FGGY: variants seen among roughly 807,000 people sequenced by gnomAD.
The protein encoded by FGGY is FGGY carbohydrate kinase domain containing.
In FGGY, 72 loss-of-function variants were observed where a neutral mutation model predicts 71.3. The ratio of observed to expected loss-of-function variants is 1.01; its 90% CI spans 0.84 to 1.23. The LOEUF (loss-of-function observed/expected upper bound fraction) is 1.23, where lower values mean the gene tolerates loss of function less well. FGGY is among the 50% of genes most tolerant of loss of function. The pLI, the probability that FGGY is intolerant of heterozygous loss-of-function variation, is 0.00. For missense variants in FGGY, 668 were observed against 682.3 expected (o/e 0.98, Z 0.23); for synonymous variants, 251 against 250.3 (o/e 1.00, Z -0.02).
chr1:59,740,885 G>T (rs966380012), intron 14 of FGGY, among the ~76,000 whole-genome samples: 7 of 152,052 alleles, frequency 4.6e-5, no homozygotes, highest in Admixed American at 2.0e-4. Flanking sequence ...AGTCCAAATT[G>T]CAATATGTAA....
chr1:59,611,701 G>A (rs957975325), intron 9 of FGGY, among the ~76,000 whole-genome samples: 31 of 152,268 alleles, frequency 2.0e-4, no homozygotes, highest in African/African-American at 6.7e-4. Context: ...AAACTGCTCC[G>A]AGCTAAAGGA....
At chr1:59,728,725 C>T (rs1312156456) in intron 14 of FGGY, among the ~76,000 whole-genome samples, 3 of 152,054 alleles carry the variant, frequency 2.0e-5, no homozygotes, top group Non-Finnish European at 2.9e-5. Context: ...TTTATTTACA[C>T]GGTTTTCTGA....
chr1:59,490,658 G>T (rs555554198), intron 6 of FGGY, among the ~76,000 whole-genome samples: 3 of 152,046 alleles, frequency 2.0e-5, no homozygotes, highest in Non-Finnish European at 4.4e-5. Context: ...TGCAGGTCTT[G>T]TGTTTAGGTC....
chr1:59,532,776 A>C (rs956720838), intron 7 of FGGY, among the ~76,000 whole-genome samples: 2 of 152,194 alleles, frequency 1.3e-5, no homozygotes, highest in African/African-American at 4.8e-5. Flanking sequence ...ATCTAGTGCA[A>C]CAAGTCAAGA....
chr1:59,554,384 C>T (rs112202342), intron 8 of FGGY, among the ~76,000 whole-genome samples, 157 bp downstream of exon 8: 1 of 152,312 alleles, frequency 6.6e-6, no homozygotes, highest in African/African-American at 2.4e-5. Flanking sequence ...CCCCACTCTA[C>T]CTCCCTTGCT....
At chr1:59,441,582 C>T (rs1159077634) in intron 5 of FGGY, among the ~76,000 whole-genome samples, 1 of 152,112 alleles carries the variant, frequency 6.6e-6, no homozygotes, top group Non-Finnish European at 1.5e-5. Context: ...GATGTTGATG[C>T]TGGGGAAAAC....
intron 5 of FGGY, among the ~76,000 whole-genome samples, chr1:59,427,508 G>A (rs1022523956): frequency 2.6e-5 from 4 of 152,300 alleles, no homozygotes; most frequent in African/African-American, 9.6e-5. Flanking sequence ...TTCAGTCCAG[G>A]CTCTCTGGAC....
At chr1:59,485,528 T>G (rs1364625092) in intron 6 of FGGY, among the ~76,000 whole-genome samples, 1 of 152,176 alleles carries the variant, frequency 6.6e-6, no homozygotes, top group East Asian at 1.9e-4. Flanking sequence ...ATACCAGCCT[T>G]GGATTCACTA....
At chr1:59,392,045 A>G (rs1254535718) in intron 5 of FGGY, among the ~76,000 whole-genome samples, 3 of 152,116 alleles carry the variant, frequency 2.0e-5, no homozygotes, top group African/African-American at 7.2e-5. Context: ...TAAGAGTTAA[A>G]TTTTAAGGGG....
At chr1:59,375,793 T>G (rs2058563983) in intron 4 of FGGY, among the ~76,000 whole-genome samples, 1 of 152,068 alleles carries the variant, frequency 6.6e-6, no homozygotes, top group Non-Finnish European at 1.5e-5. Flanking sequence ...TGGGTTCTGT[T>G]GTCCCACAGT....
chr1:59,462,231 G>C (rs2153523392), intron 6 of FGGY, among the ~76,000 whole-genome samples: 1 of 152,196 alleles, frequency 6.6e-6, no homozygotes, highest in African/African-American at 2.4e-5. Flanking sequence ...TTAATAAATG[G>C]TGCTGGGAAA....
chr1:59,641,223 T>C, intron 11 of FGGY: 3 of 1,366,676 alleles, frequency 2.2e-6, no homozygotes, highest in African/African-American at 1.5e-5. Context: ...CAATGATAGA[T>C]TGCCTTTAGC....
At chr1:59,717,601 T>C (rs967099840) in intron 14 of FGGY, among the ~76,000 whole-genome samples, 1 of 152,128 alleles carries the variant, frequency 6.6e-6, no homozygotes. Context: ...GAAGAACTTA[T>C]GCCAAGAAGA....
At chr1:59,487,910 G>A (rs2093702254) in intron 6 of FGGY, among the ~76,000 whole-genome samples, 1 of 148,730 alleles carries the variant, frequency 6.7e-6, no homozygotes, top group Non-Finnish European at 1.5e-5. Context: ...ATCTTCAAAA[G>A]CATCTAAAAG....
intron 8 of FGGY, among the ~76,000 whole-genome samples, chr1:59,592,072 T>A (rs1228127450): frequency 1.3e-5 from 2 of 152,062 alleles, no homozygotes; most frequent in Admixed American, 1.3e-4. Flanking sequence ...GAATCTACAA[T>A]GAACTCAAAC....
chr1:59,330,424 C>G (rs1419579178), intron 2 of FGGY, among the ~76,000 whole-genome samples: 1 of 152,042 alleles, frequency 6.6e-6, no homozygotes, highest in Non-Finnish European at 1.5e-5. Context: ...CAAAAATTAG[C>G]TGGGCGTGGT....
intron 7 of FGGY, among the ~76,000 whole-genome samples, chr1:59,541,531 T>A (rs886240027): frequency 5.9e-5 from 9 of 152,082 alleles, no homozygotes; most frequent in African/African-American, 2.2e-4. Flanking sequence ...GAGTTACCAT[T>A]CCAAAGAACT....
intron 4 of FGGY, among the ~76,000 whole-genome samples, chr1:59,349,921 C>T (rs114131099): frequency 0.024 from 3,711 of 151,928 alleles, 168 homozygotes; most frequent in African/African-American, 0.086. Context: ...CTCAAGTTCA[C>T]GGGTGATGCT....
intron 5 of FGGY, among the ~76,000 whole-genome samples, chr1:59,395,237 G>A (rs1028390000): frequency 7.2e-5 from 11 of 152,072 alleles, no homozygotes; most frequent in African/African-American, 2.2e-4. Flanking sequence ...TGCATGACAC[G>A]TGTTAGGTGT....
Sources: allele counts gnomAD v4.1 joint callset (sites outside exome capture counted in the v4.1 genomes callset), GRCh38; gene constraint gnomAD v4.1.1; transcripts MANE v1.5; gene names NCBI Gene and HGNC (gene_info 2026-07-23, HGNC 2026-07-21).